Variants in TSHZ2 observed in about 807,000 individuals in gnomAD.
TSHZ2 encodes teashirt zinc finger homeobox 2, also known as teashirt homolog 2.
TSHZ2 carries 21 observed loss-of-function variants against 74.4 expected under a neutral mutation model. That is an observed-to-expected ratio of 0.28 (90% CI 0.20 to 0.41). TSHZ2 has a LOEUF of 0.41. Ranked by LOEUF, TSHZ2 falls within the 10% of genes least tolerant of loss-of-function variation. TSHZ2 has a pLI of 1.00. For missense variants in TSHZ2, 1,244 were observed against 1,293.5 expected, an observed-to-expected ratio of 0.96 and a Z score of 0.59; for synonymous variants, 540 against 515.3, an observed-to-expected ratio of 1.05 and a Z score of -0.65.
At chr20:53,180,106 C>G (rs929501688) in intron 1 of TSHZ2, among the ~76,000 whole-genome samples, 8 of 152,064 alleles carry the variant, frequency 5.3e-5, no homozygotes, top group Admixed American at 4.6e-4. Flanking sequence ...GAGTACTTTC[C>G]CCATTAATTA....
At chr20:53,398,728 G>C (rs549664420) in intron 2 of TSHZ2, 1 of 152,188 alleles carries the variant, frequency 6.6e-6, no homozygotes, top group Non-Finnish European at 1.5e-5. Flanking sequence ...ACTCCAGCCT[G>C]GGTCACAAAG....
intron 2 of TSHZ2, among the ~76,000 whole-genome samples, chr20:53,408,868 C>T (rs1259871585): frequency 6.6e-6 from 1 of 152,174 alleles, no homozygotes; most frequent in African/African-American, 2.4e-5. Flanking sequence ...CACGATGGTG[C>T]AATGGAGAAC....
intron 1 of TSHZ2, among the ~76,000 whole-genome samples, chr20:53,076,914 C>T (rs1568748183): frequency 6.6e-6 from 1 of 152,180 alleles, no homozygotes; most frequent in African/African-American, 2.4e-5. Context: ...ATAAACAAGA[C>T]CCTGATGTGC....
chr20:53,229,224 T>C (rs542249736), intron 1 of TSHZ2, among the ~76,000 whole-genome samples: 75 of 121,002 alleles, frequency 6.2e-4, no homozygotes, highest in Non-Finnish European at 1.0e-3. Flanking sequence ...CTTCCATCAA[T>C]TTTTTCTTCC....
rs1981195102 is a variant in TSHZ2 at position 52,973,236 on chromosome 20, G to T, written c.-58G>T. 6.4e-6 allele frequency: 10 copies of T among 1,550,422 alleles called. No homozygotes were observed. Among genetic ancestry groups the T allele is most frequent in the East Asian group, 4.9e-5 (2 of 40,912 alleles). On this transcript the variant is annotated 5_prime_UTR_variant, in exon 1 of 3. Coordinates refer to ENST00000371497, the MANE Select transcript of TSHZ2 (RefSeq NM_173485.6). ...CCCAGAGAGGCCAGAGAGACAGCGG[G>T]CCCCAGCGCGCGGCTCGGGGCTGGG...
intron 2 of TSHZ2, among the ~76,000 whole-genome samples, chr20:53,374,874 G>T (rs533007503): frequency 1.4e-4 from 20 of 147,818 alleles, no homozygotes; most frequent in African/African-American, 5.0e-4. Context: ...TGCATAGTTT[G>T]CAAATTTTTT....
chr20:53,181,611 G>A (rs534386036), intron 1 of TSHZ2, among the ~76,000 whole-genome samples: 5 of 152,266 alleles, frequency 3.3e-5, no homozygotes, highest in South Asian at 2.1e-4. Context: ...ACTGTGGGCC[G>A]GACACGGTGG....
intron 2 of TSHZ2, among the ~76,000 whole-genome samples, chr20:53,318,215 A>T (rs1048222125): frequency 6.6e-6 from 1 of 152,216 alleles, no homozygotes; most frequent in African/African-American, 2.4e-5. Context: ...TTCAGGAGGT[A>T]GAGAGAGAAA....
chr20:53,231,780 G>A (rs372984194), intron 1 of TSHZ2, among the ~76,000 whole-genome samples: 1 of 152,076 alleles, frequency 6.6e-6, no homozygotes, highest in African/African-American at 2.4e-5. Flanking sequence ...CTCACCTGTC[G>A]CTAAGACATG....
At chr20:52,982,476 C>T (rs146328186) in intron 1 of TSHZ2, among the ~76,000 whole-genome samples, 1 of 152,166 alleles carries the variant, frequency 6.6e-6, no homozygotes, top group African/African-American at 2.4e-5. Flanking sequence ...AGGCCAACTC[C>T]TGTCATCTGA....
chr20:53,022,612 GA>G (rs1387326985), intron 1 of TSHZ2, among the ~76,000 whole-genome samples: 1 of 151,264 alleles, frequency 6.6e-6, no homozygotes, highest in Non-Finnish European at 1.5e-5. Context: ...TCCTTCCTAA[GA>G]ATGCTTATAA....
chr20:53,132,947 A>G (rs1987144892), intron 1 of TSHZ2, among the ~76,000 whole-genome samples: 1 of 151,096 alleles, frequency 6.6e-6, no homozygotes, highest in Non-Finnish European at 1.5e-5. Flanking sequence ...TTCTCTTTCT[A>G]CCGTTTTCTA....
chr20:53,388,432 G>A (rs748475389), intron 2 of TSHZ2, among the ~76,000 whole-genome samples: 7 of 152,106 alleles, frequency 4.6e-5, no homozygotes, highest in South Asian at 2.1e-4. Flanking sequence ...CAGGAAATGC[G>A]CATCAAAACA....
In TSHZ2 at chr20:53,409,834, C is replaced by CTTTTTTTTTTTTTT. The variant is rs71194475; in HGVS notation, c.*9-77293_*9-77280dup. On this transcript the variant is annotated intron_variant, in intron 2 of 2. Coordinates refer to ENST00000371497, the MANE Select transcript of TSHZ2 (RefSeq NM_173485.6). ...AGAATTCACATCTTTGTTTTCTTTT[C>CTTTTTTTTTTTTTT]TTTTTTTTTTTTTTTTTTTTTTTTT... 1.5e-3 allele frequency among the ~76,000 whole-genome samples: 76 copies of CTTTTTTTTTTTTTT among 49,370 alleles called. 4 individuals are homozygous for CTTTTTTTTTTTTTT. Among genetic ancestry groups the CTTTTTTTTTTTTTT allele is most frequent in the Non-Finnish European group, 1.9e-3 (54 of 28,682 alleles). The allele number at this position is 49,370 out of a possible 152,430, so 32.4% of individuals were successfully genotyped here.
chr20:53,195,508 TG>T, intron 1 of TSHZ2, among the ~76,000 whole-genome samples: 1 of 152,204 alleles, frequency 6.6e-6, no homozygotes. Context: ...AGATGGTGCT[TG>T]AGGGGCTCAG....
intron 1 of TSHZ2, among the ~76,000 whole-genome samples, chr20:53,043,682 T>C (rs1984125697): frequency 6.6e-6 from 1 of 152,168 alleles, no homozygotes; most frequent in African/African-American, 2.4e-5. Context: ...TTTTCTTCCA[T>C]TACCAGAACA....
chr20:53,435,400 C>T (rs532198933), intron 2 of TSHZ2, among the ~76,000 whole-genome samples: 5 of 152,192 alleles, frequency 3.3e-5, no homozygotes, highest in Non-Finnish European at 7.4e-5. Flanking sequence ...TCCCCCGCCC[C>T]GGGTAATGAG....
intron 2 of TSHZ2, among the ~76,000 whole-genome samples, chr20:53,365,078 G>T (rs539539242): frequency 6.6e-6 from 1 of 152,222 alleles, no homozygotes; most frequent in East Asian, 1.9e-4. Context: ...GGGATCATTG[G>T]TCTGCCCATT....
chr20:53,279,226 A>G (rs186226488), intron 2 of TSHZ2, among the ~76,000 whole-genome samples: 1 of 152,310 alleles, frequency 6.6e-6, no homozygotes, highest in African/African-American at 2.4e-5. Flanking sequence ...TGTATAAGTG[A>G]CCCACACAGT....
Sources: gnomAD v4.1 joint callset for allele counts (sites outside exome capture counted in the v4.1 genomes callset) on GRCh38, gnomAD v4.1.1 for gene constraint, MANE v1.5 for transcripts, NCBI Gene and HGNC (gene_info 2026-07-23, HGNC 2026-07-21) for gene names.